The following NTM variants were observed in gnomAD, a reference collection of about 807,000 sequenced individuals.
The protein encoded by NTM is neurotrimin.
In NTM, 13 loss-of-function variants were observed where a neutral mutation model predicts 42.1. The ratio of observed to expected loss-of-function variants is 0.31; its 90% CI spans 0.20 to 0.49. The LOEUF is 0.49. NTM is among the 20% of genes least tolerant of loss of function. The pLI, the probability that NTM is intolerant of heterozygous loss-of-function variation, is 0.99. For missense variants in NTM, 373 were observed against 452.8 expected (o/e 0.82, Z 1.60); for synonymous variants, 187 against 179.2 (o/e 1.04, Z -0.35).
At chr11:132,085,292 T>G (rs368506909) in intron 2 of NTM, among the ~76,000 whole-genome samples, 4 of 152,234 alleles carry the variant, frequency 2.6e-5, no homozygotes, top group African/African-American at 9.6e-5. Flanking sequence ...CTTAGCAATT[T>G]TTAACTTTAA....
At chr11:132,218,052 C>T (rs1393103261) in intron 4 of NTM, among the ~76,000 whole-genome samples, 1 of 152,098 alleles carries the variant, frequency 6.6e-6, no homozygotes. Flanking sequence ...GTGTCAGGAG[C>T]AGAGCTCTGG....
At chr11:131,890,136 C>T (rs1053430108) in intron 1 of NTM, among the ~76,000 whole-genome samples, 1 of 126,834 alleles carries the variant, frequency 7.9e-6, no homozygotes, top group African/African-American at 3.3e-5. Flanking sequence ...CCCTCTCTCT[C>T]CCTCTCTCTC....
intron 1 of NTM, among the ~76,000 whole-genome samples, chr11:131,564,379 T>C (rs1344180455): frequency 6.6e-6 from 1 of 152,242 alleles, no homozygotes; most frequent in African/African-American, 2.4e-5. Flanking sequence ...AGGACTCTCT[T>C]CCTGGCTTGC....
chr11:132,112,924 G>A (rs1473211068), intron 2 of NTM, among the ~76,000 whole-genome samples: 2 of 152,116 alleles, frequency 1.3e-5, no homozygotes, highest in African/African-American at 2.4e-5. Flanking sequence ...ACAGCCAGAG[G>A]GGGTCTTGTT....
intron 1 of NTM, among the ~76,000 whole-genome samples, chr11:131,748,271 C>T (rs949007227): frequency 3.9e-5 from 6 of 152,182 alleles, no homozygotes; most frequent in African/African-American, 1.4e-4. Context: ...TGACGGTGGA[C>T]ACACACTTGC....
chr11:131,485,403 T>C (rs895482130), intron 1 of NTM, among the ~76,000 whole-genome samples: 8 of 152,164 alleles, frequency 5.3e-5, no homozygotes, highest in African/African-American at 9.7e-5. Flanking sequence ...TTGTATAGAT[T>C]ATTTTGCAGG....
chr11:131,597,573 G>T (rs1165071170), intron 1 of NTM, among the ~76,000 whole-genome samples: 1 of 152,148 alleles, frequency 6.6e-6, no homozygotes, highest in African/African-American at 2.4e-5. Context: ...TATTTCTGCT[G>T]CACTGCACTG....
Position 131,839,030 on chromosome 11 carries a change from G to A in NTM, c.83-72534G>A, listed in dbSNP as rs141821256. Among the ~76,000 whole-genome samples the A allele has an allele frequency of 2.8e-3, 417 of 150,742 alleles. 1 individual carries two copies. The highest frequency in any genetic ancestry group is 9.8e-3 in the African/African-American group (399 of 40,780). The stretch of plus-strand genomic sequence containing the variant: ...GGCTGGAGTGCAATGGCGCAATCTC[G>A]GCTCACTGCAACCTCTGCCTCCCGG... On this transcript the variant is annotated intron_variant, in intron 1 of 8. Transcript: ENST00000683400.
At chr11:132,127,440 C>T (rs2066029124) in intron 2 of NTM, among the ~76,000 whole-genome samples, 1 of 152,196 alleles carries the variant, frequency 6.6e-6, no homozygotes, top group Non-Finnish European at 1.5e-5. Flanking sequence ...GCGATGCTGA[C>T]CTTCTGACGG....
chr11:131,517,464 G>A (rs1163971873), intron 1 of NTM, among the ~76,000 whole-genome samples: 1 of 152,144 alleles, frequency 6.6e-6, no homozygotes, highest in Non-Finnish European at 1.5e-5. Flanking sequence ...AAAACAATAG[G>A]CAGGCTGGAA....
intron 3 of NTM, among the ~76,000 whole-genome samples, chr11:132,210,624 T>A (rs1724481416): frequency 6.6e-6 from 1 of 152,156 alleles, no homozygotes; most frequent in Admixed American, 6.5e-5. Context: ...GACAGATAAG[T>A]AGACACATGG....
chr11:132,100,685 G>A (rs568802715), intron 2 of NTM, among the ~76,000 whole-genome samples: 1 of 152,154 alleles, frequency 6.6e-6, no homozygotes, highest in Non-Finnish European at 1.5e-5. Context: ...CTTCGGAAAG[G>A]CTTTATTGTC....
At chr11:132,134,962 A>G (rs1190556272) in intron 2 of NTM, among the ~76,000 whole-genome samples, 1 of 151,748 alleles carries the variant, frequency 6.6e-6, no homozygotes, top group Non-Finnish European at 1.5e-5. Context: ...ACTGTTTTCC[A>G]TAGTGGTTGT....
chr11:132,123,593 C>T (rs1357068249), intron 2 of NTM, among the ~76,000 whole-genome samples: 1 of 152,146 alleles, frequency 6.6e-6, no homozygotes, highest in East Asian at 1.9e-4. Flanking sequence ...TAGGGAAATC[C>T]CCTGCCACTG....
At chr11:131,684,483 A>T (rs888767925) in intron 1 of NTM, among the ~76,000 whole-genome samples, 1 of 152,192 alleles carries the variant, frequency 6.6e-6, no homozygotes, top group Non-Finnish European at 1.5e-5. Flanking sequence ...TGCCCTCCCC[A>T]GCCTGCAGCT....
At chr11:131,834,396 C>T (rs10791175) in intron 1 of NTM, among the ~76,000 whole-genome samples, 92,525 of 151,536 alleles carry the variant, frequency 0.61, 28,613 homozygotes, top group Admixed American at 0.7. Context: ...TTATCCTTTA[C>T]TCAGTCAATA....
chr11:131,581,154 C>G (rs1167906430), intron 1 of NTM, among the ~76,000 whole-genome samples: 2 of 152,224 alleles, frequency 1.3e-5, no homozygotes, highest in Non-Finnish European at 2.9e-5. Flanking sequence ...CCTTACAACT[C>G]AGAGAGACAG....
intron 1 of NTM, among the ~76,000 whole-genome samples, chr11:131,589,230 A>T (rs2137265145): frequency 6.7e-6 from 1 of 149,394 alleles, no homozygotes; most frequent in African/African-American, 2.6e-5. Flanking sequence ...GGAAGGCACG[A>T]GGCTAGAAGT....
chr11:131,855,853 A>G lies in NTM; in HGVS notation c.83-55711A>G, dbSNP rs148153266. Among the ~76,000 whole-genome samples the G allele has an allele frequency of 6.6e-5, 10 of 152,252 alleles. No individual in the cohort carries two copies. In the East Asian group the frequency reaches 1.9e-3, roughly 29 times the overall value. ...GGATTTTGACTTCCTTGGGGTAAGGACTGTGCTGGATCAATCCTCCATCCT... is the reference window on the plus strand; with the variant it reads ...GGATTTTGACTTCCTTGGGGTAAGGGCTGTGCTGGATCAATCCTCCATCCT... On this transcript the variant is annotated intron_variant, in intron 1 of 8. Transcript: ENST00000683400.
Sources: gnomAD v4.1 joint callset for allele counts (sites outside exome capture counted in the v4.1 genomes callset) on GRCh38, gnomAD v4.1.1 for gene constraint, MANE v1.5 for transcripts, NCBI Gene and HGNC (gene_info 2026-07-23, HGNC 2026-07-21) for gene names.